The following HECW2 variants were observed in gnomAD, a reference collection of about 807,000 sequenced individuals.
HECW2 encodes E3 ubiquitin-protein ligase HECW2.
Under a neutral mutation model 175.2 loss-of-function variants are expected in HECW2, and 61 were observed. The observed-to-expected ratio is 0.35, with a 90% confidence interval of 0.28 to 0.43. The LOEUF (loss-of-function observed/expected upper bound fraction) is 0.43, where lower values mean the gene tolerates loss of function less well. Ranked by LOEUF, HECW2 falls within the 20% of genes least tolerant of loss-of-function variation. The pLI is 1.00. For missense variants in HECW2, 1,524 were observed against 2,000.5 expected (o/e 0.76, Z 4.54); for synonymous variants, 671 against 731.0 (o/e 0.92, Z 1.32).
intron 1 of HECW2, among the ~76,000 whole-genome samples, chr2:196,585,634 T>C (rs1238770594): frequency 6.6e-6 from 1 of 151,824 alleles, no homozygotes; most frequent in Non-Finnish European, 1.5e-5. Flanking sequence ...CTAGCTCGTG[T>C]AGCTTAGAGA....
intron 1 of HECW2, among the ~76,000 whole-genome samples, chr2:196,480,052 C>T (rs561662833): frequency 2.6e-5 from 4 of 152,192 alleles, no homozygotes; most frequent in South Asian, 2.1e-4. Context: ...GCCACTCCCC[C>T]CAAAATACCT....
chr2:196,491,333 C>T (rs1284532711), intron 1 of HECW2, among the ~76,000 whole-genome samples: 1 of 150,380 alleles, frequency 6.6e-6, no homozygotes, highest in South Asian at 2.1e-4. Flanking sequence ...CACGGTGAAA[C>T]CCCATGTCTA....
intron 7 of HECW2, among the ~76,000 whole-genome samples, chr2:196,322,228 G>A (rs1251549163): frequency 6.6e-6 from 1 of 152,172 alleles, no homozygotes; most frequent in Non-Finnish European, 1.5e-5. Flanking sequence ...CAAACACTAT[G>A]AGATTTGACA....
chr2:196,527,478 C>G (rs1006140563), intron 1 of HECW2, among the ~76,000 whole-genome samples: 1 of 152,230 alleles, frequency 6.6e-6, no homozygotes, highest in African/African-American at 2.4e-5. Flanking sequence ...GGAGCTGTTT[C>G]TATTCGGCCA....
At chr2:196,534,618 T>C (rs1688956172) in intron 1 of HECW2, among the ~76,000 whole-genome samples, 1 of 152,150 alleles carries the variant, frequency 6.6e-6, no homozygotes, top group Non-Finnish European at 1.5e-5. Context: ...TTCTGGTAAA[T>C]GTAGGCCAGC....
At chr2:196,475,641 T>G (rs764807150) in intron 1 of HECW2, among the ~76,000 whole-genome samples, 3 of 152,206 alleles carry the variant, frequency 2.0e-5, no homozygotes, top group Non-Finnish European at 4.4e-5. Flanking sequence ...GGCCTACATC[T>G]TCCCAGCTTT....
intron 1 of HECW2, among the ~76,000 whole-genome samples, chr2:196,512,208 A>G (rs756550952): frequency 2.6e-5 from 4 of 152,236 alleles, no homozygotes; most frequent in Non-Finnish European, 5.9e-5. Context: ...GGGGCCAAAC[A>G]TAAGAGATTT....
At chr2:196,474,911 T>C (rs903440599) in intron 1 of HECW2, among the ~76,000 whole-genome samples, 3 of 152,202 alleles carry the variant, frequency 2.0e-5, no homozygotes, top group Non-Finnish European at 2.9e-5. Context: ...ATATGTTCAA[T>C]AGCAGAAGAC....
chr2:196,446,403 C>T (rs1377168202), intron 1 of HECW2, among the ~76,000 whole-genome samples: 1 of 152,146 alleles, frequency 6.6e-6, no homozygotes, highest in Admixed American at 6.5e-5. Context: ...TTGTAATATA[C>T]AGTATGACTT....
At chr2:196,562,127 G>A (rs1245628888) in intron 1 of HECW2, among the ~76,000 whole-genome samples, 1 of 152,204 alleles carries the variant, frequency 6.6e-6, no homozygotes, top group African/African-American at 2.4e-5. Flanking sequence ...ATGATACGCT[G>A]AATAGATTTG....
chr2:196,503,281 G>T (rs1401822160), intron 1 of HECW2, among the ~76,000 whole-genome samples: 6 of 152,116 alleles, frequency 3.9e-5, no homozygotes, highest in Non-Finnish European at 7.4e-5. Flanking sequence ...CTATATCTCA[G>T]AGTGCCACAG....
chr2:196,318,026 T>G (rs1575406567), intron 9 of HECW2, among the ~76,000 whole-genome samples: 2 of 152,240 alleles, frequency 1.3e-5, no homozygotes, highest in Non-Finnish European at 2.9e-5. Flanking sequence ...TACATTAATC[T>G]TCCACTGTGA....
intron 13 of HECW2, among the ~76,000 whole-genome samples, chr2:196,295,868 G>A (rs996060700): frequency 1.6e-4 from 25 of 152,142 alleles, no homozygotes; most frequent in African/African-American, 6.0e-4. Context: ...TCCACTCAAT[G>A]AAACATGTAG....
At chr2:196,523,479 C>A (rs1320931015) in intron 1 of HECW2, among the ~76,000 whole-genome samples, 1 of 150,516 alleles carries the variant, frequency 6.6e-6, no homozygotes, top group Non-Finnish European at 1.5e-5. Context: ...CCTTCTCCTG[C>A]CTAATTGCCC....
At chr2:196,321,695 C>T (rs1031096460) in intron 7 of HECW2, among the ~76,000 whole-genome samples, 2 of 152,130 alleles carry the variant, frequency 1.3e-5, no homozygotes, top group Non-Finnish European at 2.9e-5. Context: ...CTGCCGTGCC[C>T]GGCCAACTTA....
chr2:196,214,588 T>C (rs1221101106), intron 28 of HECW2, among the ~76,000 whole-genome samples: 2 of 152,212 alleles, frequency 1.3e-5, no homozygotes, highest in Non-Finnish European at 2.9e-5. Context: ...AATCAAATAA[T>C]GAATTCCCAG....
chr2:196,497,094 G>A (rs1687419185), intron 1 of HECW2, among the ~76,000 whole-genome samples: 1 of 152,128 alleles, frequency 6.6e-6, no homozygotes, highest in African/African-American at 2.4e-5. Context: ...GGAGAAAGGT[G>A]AATACAACAT....
chr2:196,440,950 C>T (rs945273131), intron 1 of HECW2, among the ~76,000 whole-genome samples: 1 of 152,130 alleles, frequency 6.6e-6, no homozygotes, highest in African/African-American at 2.4e-5. Flanking sequence ...AGGTCTGCAC[C>T]ATGCTGCTCT....
At chr2:196,323,908 GTTTTTTGTTTGTTTTTTT>G (rs2105773559) in intron 6 of HECW2, among the ~76,000 whole-genome samples, 1 of 63,220 alleles carries the variant, frequency 1.6e-5, no homozygotes, top group South Asian at 4.9e-4. Flanking sequence ...AGTTTTTTTT[GTTTTTTGTTTGTTTTTTT>G]TTTTTTTTTT....
Sources: allele counts gnomAD v4.1 joint callset (sites outside exome capture counted in the v4.1 genomes callset), GRCh38; gene constraint gnomAD v4.1.1; transcripts MANE v1.5; gene names NCBI Gene and HGNC (gene_info 2026-07-23, HGNC 2026-07-21).